Variants in KDM1B observed in about 807,000 individuals in gnomAD.
KDM1B encodes lysine demethylase 1B.
In KDM1B, 63 loss-of-function variants were observed where a neutral mutation model predicts 107.4. The ratio of observed to expected loss-of-function variants is 0.59; its 90% CI spans 0.48 to 0.72. The LOEUF is 0.72. KDM1B is among the 30% of genes least tolerant of loss of function. KDM1B has a pLI of 0.00. For synonymous variants in KDM1B, 363 were observed against 363.9 expected, an observed-to-expected ratio of 1.00 and a Z score of 0.03; for missense variants, 749 against 1,020.8, an observed-to-expected ratio of 0.73 and a Z score of 3.63.
intron 20 of KDM1B, among the ~76,000 whole-genome samples, chr6:18,216,730 G>T (rs1789264516): frequency 6.6e-6 from 1 of 152,094 alleles, no homozygotes; most frequent in South Asian, 2.1e-4. Context: ...AGTCACTCAG[G>T]AGTCATCTCT....
rs1788241660 is a variant in KDM1B, at chr6:18,204,453, GA to G, written c.1532-1083del. Among the ~76,000 whole-genome samples the G allele has an allele frequency of 6.6e-6, 1 of 152,074 alleles. No individual in the cohort carries two copies. Among genetic ancestry groups the G allele is most frequent in the Non-Finnish European group, 1.5e-5 (1 of 68,004 alleles). On this transcript the variant is annotated intron_variant, in intron 14 of 21. Transcript: ENST00000650836. The surrounding 1 kb of genome is among the most constrained non-coding windows in gnomAD (Gnocchi z 4.9). ...GGCACCACAGCACTCCAGCCTGGGT[GA>G]CATGGTGAGACCCTATCTCAGGAAA...
At chr6:18,174,948 A>C (rs923588169) in intron 7 of KDM1B, among the ~76,000 whole-genome samples, 1 of 152,184 alleles carries the variant, frequency 6.6e-6, no homozygotes, top group African/African-American at 2.4e-5. Flanking sequence ...GCTGCTATAA[A>C]CATGCATATG....
chr6:18,171,328 C>T, intron 6 of KDM1B, 35 bp from the exon 7 acceptor site: 1 of 1,013,160 alleles, frequency 9.9e-7, no homozygotes, highest in Non-Finnish European at 1.6e-6. Flanking sequence ...AAGATTAGCT[C>T]ACTTGTTCAT....
intron 7 of KDM1B, among the ~76,000 whole-genome samples, chr6:18,175,333 T>G (rs1366874742): frequency 6.6e-6 from 1 of 152,186 alleles, no homozygotes; most frequent in Non-Finnish European, 1.5e-5. Context: ...TTGATGGGGT[T>G]GTTTTTCTCT....
At chr6:18,217,229 G>A (rs1789304918) in intron 20 of KDM1B, among the ~76,000 whole-genome samples, 1 of 152,118 alleles carries the variant, frequency 6.6e-6, no homozygotes, top group African/African-American at 2.4e-5. Flanking sequence ...GGAAAGAGAG[G>A]ATAAGACACA....
chr6:18,159,651 T>G lies in KDM1B; in HGVS notation c.-13-232T>G, dbSNP rs1784842966. ...GCCAGGTGGTGTGGTGACGTGCACC[T>G]GTATTCCCAACTACTTGGAGCTGAG... On this transcript the variant is annotated intron_variant, in intron 2 of 21. Coordinates refer to ENST00000650836, the MANE Select transcript of KDM1B (RefSeq NM_001364614.2). This position sits in a 1 kb window ranked among gnomAD's most constrained non-coding sequence, Gnocchi z 4.5. Among the ~76,000 whole-genome samples the G allele has an allele frequency of 6.6e-6, 1 of 152,196 alleles. No homozygotes were observed. The highest frequency in any genetic ancestry group is 1.5e-5 in the Non-Finnish European group (1 of 68,032).
intron 21 of KDM1B, 122 bp downstream of exon 21, chr6:18,218,007 C>A: frequency 4.0e-6 from 4 of 1,007,260 alleles, no homozygotes; most frequent in Non-Finnish European, 5.8e-6. Flanking sequence ...TGACCACAGA[C>A]AGCAGAAGCC....
intron 2 of KDM1B, among the ~76,000 whole-genome samples, chr6:18,157,091 T>G (rs1263330663): frequency 1.3e-5 from 2 of 152,112 alleles, no homozygotes; most frequent in African/African-American, 4.8e-5. Flanking sequence ...AAATTAGAAA[T>G]ATATGTATAA....
rs758343808 is a variant in KDM1B, at chr6:18,208,103, AC to A, written c.1792-28del. ...CCTGGATCACGTGGTTCCATCCCTCACTTTTTTTCATAATTGCTTTTTGAGC... is the reference window on the plus strand; with the variant it reads ...CCTGGATCACGTGGTTCCATCCCTCATTTTTTTCATAATTGCTTTTTGAGC... On this transcript the variant is annotated intron_variant, in intron 16 of 21. Transcript: ENST00000650836. The A allele has an allele frequency of 7.0e-6, 11 of 1,562,346 alleles. No individual in the cohort carries two copies. In the Admixed American group the frequency reaches 1.8e-4, roughly 26 times the overall value.
At chr6:18,202,612 G>T (rs1788111707) in intron 14 of KDM1B, among the ~76,000 whole-genome samples, 1 of 152,174 alleles carries the variant, frequency 6.6e-6, no homozygotes, top group African/African-American at 2.4e-5. Flanking sequence ...TTGGAGGCAT[G>T]TTGGAGTTTC....
chr6:18,188,178 A>C, intron 9 of KDM1B, among the ~76,000 whole-genome samples, 176 bp downstream of exon 9: 1 of 152,204 alleles, frequency 6.6e-6, no homozygotes, highest in Non-Finnish European at 1.5e-5. Context: ...TGAGGCCAGG[A>C]GTTTGAGACC....
intron 15 of KDM1B, among the ~76,000 whole-genome samples, chr6:18,206,023 G>A (rs1788344926): frequency 6.6e-6 from 1 of 151,924 alleles, no homozygotes; most frequent in Admixed American, 6.6e-5. Context: ...GTGTGTGTGT[G>A]TTTTGTGTGT....
At chr6:18,190,769 G>A (rs963646600) in intron 9 of KDM1B, among the ~76,000 whole-genome samples, 2 of 151,782 alleles carry the variant, frequency 1.3e-5, no homozygotes, top group African/African-American at 4.8e-5. Flanking sequence ...ATGTGGTGGC[G>A]AGCACCTGTA....
In KDM1B at chr6:18,197,154, T is replaced by G; in HGVS notation, c.1067T>G (p.Met356Arg). ...GAAGTGGAGAGAATACTGTATTTTA[T>G]GACCAGAAAAGGTCTCATCAACACT... The part of the protein sequence containing the change: ...VQEVERILYF[M>R]TRKGLINTGV... Residue 356 changes from methionine (M) to arginine (R), a missense_variant, in exon 11 of 22, where the codon ATG becomes AGG. Transcript: ENST00000650836. This position sits in a 1 kb window ranked among gnomAD's most constrained non-coding sequence, Gnocchi z 4.5. 1 of 1,614,182 alleles carries G rather than the reference T, an allele frequency of 6.2e-7. No individual in the cohort carries two copies. Among genetic ancestry groups the G allele is most frequent in the Non-Finnish European group, 8.5e-7 (1 of 1,180,020 alleles).
At chr6:18,195,607 C>T (rs563421798) in intron 10 of KDM1B, among the ~76,000 whole-genome samples, 321 of 151,596 alleles carry the variant, frequency 2.1e-3, no homozygotes, top group African/African-American at 7.0e-3. Context: ...TGGTGGTAGG[C>T]GCCTGTAGTC....
intron 7 of KDM1B, among the ~76,000 whole-genome samples, chr6:18,181,150 A>G (rs1434809134): frequency 1.3e-5 from 2 of 152,200 alleles, no homozygotes; most frequent in African/African-American, 4.8e-5. Flanking sequence ...AATATAGAAA[A>G]GAACAAAGAT....
rs1257208362 is a variant in KDM1B at position 18,213,667 on chromosome 6, A to T, written c.1995A>T (p.Gln665His). 2 of 1,613,922 alleles carry T rather than the reference A, an allele frequency of 1.2e-6. No homozygotes were observed. The highest frequency in any genetic ancestry group is 3.3e-5 in the Admixed American group (2 of 59,990). The change falls in exon 19 of 22, where the codon CAA becomes CAT. Residue 665 changes from glutamine (Q) to histidine (H), a missense_variant. Physicochemically the swap from Gln to His is conservative, Grantham distance 24. Transcript: ENST00000650836. The surrounding 1 kb of genome is among the most constrained non-coding windows in gnomAD (Gnocchi z 5.9). ...GAGIIEKIALQFPYRFWDSKV... is the reference protein window; with the variant it reads ...GAGIIEKIALHFPYRFWDSKV... ...TGCTCACTTTGCAGATTGCCTTGCA[A>T]TTTCCGTATAGATTTTGGGACAGTA... is the stretch of plus-strand genomic sequence containing the variant.
chr6:18,183,529 G>A (rs1786630766), intron 7 of KDM1B, among the ~76,000 whole-genome samples: 1 of 151,750 alleles, frequency 6.6e-6, no homozygotes, highest in South Asian at 2.1e-4. Context: ...CAAAATGCAG[G>A]GATTACAGAT....
chr6:18,197,788 G>A lies in KDM1B; in HGVS notation c.1221+127G>A. 3.4e-6 allele frequency: 2 copies of A among 584,120 alleles called. No homozygotes were observed. The highest frequency in any genetic ancestry group is 5.9e-6 in the Non-Finnish European group (2 of 336,536). The allele number at this position is 584,120 out of a possible 1,614,324, so 36.2% of individuals were successfully genotyped here. ...CTAAATACATTATATGTTTATATTAGGTCCTAGAAAAGTTATAAAACTTGA... is the reference window on the plus strand; with the variant it reads ...CTAAATACATTATATGTTTATATTAAGTCCTAGAAAAGTTATAAAACTTGA... On this transcript the variant is annotated intron_variant, in intron 12 of 21. Transcript: ENST00000650836. The surrounding 1 kb of genome is among the most constrained non-coding windows in gnomAD (Gnocchi z 4.5).
Sources: gnomAD v4.1 joint callset for allele counts (sites outside exome capture counted in the v4.1 genomes callset) on GRCh38, gnomAD v4.1.1 for gene constraint, Gnocchi (gnomAD v3.1) non-coding constraint, MANE v1.5 for transcripts, NCBI Gene and HGNC (gene_info 2026-07-23, HGNC 2026-07-21) for gene names.